Variants in TRAF2 observed in about 807,000 individuals in gnomAD.
The protein encoded by TRAF2 is TNF receptor-associated factor 2.
Under a neutral mutation model 55.6 loss-of-function variants are expected in TRAF2, and 6 were observed. The ratio of observed to expected loss-of-function variants is 0.11; its 90% CI spans 0.06 to 0.21. TRAF2 has a LOEUF of 0.21. Among genes scored for constraint, TRAF2 ranks in the 10% least tolerant of loss-of-function variants. The probability of loss-of-function intolerance (pLI) is 1.00; values close to 1 mark genes in which losing one functional copy is unlikely to be tolerated. For synonymous variants in TRAF2, 329 were observed against 276.3 expected (o/e 1.19, Z -1.89); for missense variants, 561 against 684.5 (o/e 0.82, Z 2.01).
Position 136,924,032 on chromosome 9 carries a change from C to T in TRAF2, c.1287+32C>T, listed in dbSNP as rs754263127. 2.4e-5 allele frequency: 38 copies of T among 1,607,608 alleles called. No individual in the cohort carries two copies. The East Asian group carries it at 3.1e-4, about 13-fold the overall frequency. On this transcript the variant is annotated intron_variant, in intron 10 of 10. Transcript: ENST00000247668. ...CCGTCCCTGCAGGCTTCGCTAGGGC[C>T]GCACCTGGGAGTCCCTCTGGGCAGT...
chr9:136,915,269 T>C (rs1465622385), intron 6 of TRAF2, among the ~76,000 whole-genome samples: 5 of 151,988 alleles, frequency 3.3e-5, no homozygotes. Context: ...CAGAGGGAAA[T>C]GTGTCAGGCT....
upstream of TRAF2, among the ~76,000 whole-genome samples, chr9:136,885,323 G>C (rs761384261): frequency 6.6e-6 from 1 of 152,132 alleles, no homozygotes; most frequent in Non-Finnish European, 1.5e-5. Flanking sequence ...CTGCAAAGCG[G>C]GGTGAAAGGT....
intron 1 of TRAF2, among the ~76,000 whole-genome samples, chr9:136,892,930 T>C (rs145691266): frequency 5.5e-4 from 84 of 152,356 alleles, no homozygotes; most frequent in East Asian, 3.9e-3. Flanking sequence ...TAATAGCTTC[T>C]GACCAGAACA....
intron 6 of TRAF2, among the ~76,000 whole-genome samples, chr9:136,915,498 G>A (rs1311578162): frequency 6.6e-6 from 1 of 152,116 alleles, no homozygotes; most frequent in South Asian, 2.1e-4. Flanking sequence ...CTGAACACGC[G>A]CGGACATTTT....
chr9:136,916,786 C>T (rs932071633), intron 7 of TRAF2, 171 bp downstream of exon 7: 6 of 645,626 alleles, frequency 9.3e-6, no homozygotes, highest in Middle Eastern at 4.1e-4. Flanking sequence ...TCTGGGCTGG[C>T]AGCCCTGTCC....
chr9:136,910,175 C>T (rs1360843568), intron 6 of TRAF2, 181 bp downstream of exon 6: 27 of 663,270 alleles, frequency 4.1e-5, no homozygotes, highest in East Asian at 8.2e-5. Flanking sequence ...CTGAGTGGGC[C>T]GGGGGCCAGG....
intron 6 of TRAF2, among the ~76,000 whole-genome samples, chr9:136,911,167 G>T (rs1021670615): frequency 6.6e-6 from 1 of 152,214 alleles, no homozygotes; most frequent in South Asian, 2.1e-4. Context: ...GAAGACGGGC[G>T]CCCACGCAGC....
intron 4 of TRAF2, among the ~76,000 whole-genome samples, chr9:136,902,721 A>G (rs182973891): frequency 2.0e-4 from 30 of 152,302 alleles, no homozygotes; most frequent in African/African-American, 4.8e-5. Context: ...AATGTCACAC[A>G]TGGGGACGGA....
chr9:136,907,783 A>G (rs558020265), intron 4 of TRAF2, among the ~76,000 whole-genome samples: 1 of 152,138 alleles, frequency 6.6e-6, no homozygotes, highest in Non-Finnish European at 1.5e-5. Context: ...TTCAGGGGGC[A>G]GATCGGGGAG....
upstream of TRAF2, among the ~76,000 whole-genome samples, chr9:136,882,342 G>A (rs1419092973): frequency 6.6e-6 from 1 of 152,220 alleles, no homozygotes; most frequent in African/African-American, 2.4e-5. Context: ...CTCACCTCCC[G>A]TGCTCTGCAG....
At chr9:136,893,053 T>C (rs976078787) in intron 1 of TRAF2, among the ~76,000 whole-genome samples, 4 of 152,178 alleles carry the variant, frequency 2.6e-5, no homozygotes, top group South Asian at 2.1e-4. Context: ...ATGATGAATG[T>C]GCGCTGAGGG....
At position 136,920,509 on chromosome 9, in the gene TRAF2, T is replaced by C. The variant is rs2131330004; in HGVS notation, c.954T>C (p.Ser318=). Reference sequence around the variant, plus strand: ...ACCAAGACAAGATTGAAGCCCTGAGTAGCAAGGTTTGTGCCTGCCGGGTGG... The same window carrying C: ...ACCAAGACAAGATTGAAGCCCTGAGCAGCAAGGTTTGTGCCTGCCGGGTGG... ...RLDQDKIEAL[S]SKVQQLERSI... The change falls in exon 8 of 11, where the codon AGT becomes AGC. Residue 318 remains serine (S), a synonymous_variant. Transcript: ENST00000247668. 1 of 1,608,518 alleles carries C rather than the reference T, an allele frequency of 6.2e-7. No individual in the cohort carries two copies. Among genetic ancestry groups the C allele is most frequent in the East Asian group, 2.2e-5 (1 of 44,758 alleles).
At chr9:136,922,690 A>AGGACG (rs1850418640) in intron 9 of TRAF2, among the ~76,000 whole-genome samples, 2 of 78,670 alleles carry the variant, frequency 2.5e-5, no homozygotes, top group East Asian at 4.1e-4. Context: ...TGTGGAGGAC[A>AGGACG]GGGATGGGGA....
chr9:136,925,941 C>T lies in TRAF2; in HGVS notation c.*40C>T. ...TGTCTGGGGGTTGGGGGCAGCCAGG[C>T]ACAGCCGGCTCACGGAGGGGCCACC... On this transcript the variant is annotated 3_prime_UTR_variant, in exon 11 of 11. Transcript: ENST00000247668. 2 of 1,609,090 alleles carry T rather than the reference C, an allele frequency of 1.2e-6. No homozygotes were observed. The highest frequency in any genetic ancestry group is 1.7e-6 in the Non-Finnish European group (2 of 1,176,626).
intron 1 of TRAF2, among the ~76,000 whole-genome samples, chr9:136,898,297 C>T (rs1253776255): frequency 6.6e-6 from 1 of 152,220 alleles, no homozygotes; most frequent in African/African-American, 2.4e-5. Flanking sequence ...ATCCACCACT[C>T]TAAAACATGC....
At chr9:136,906,368 TCA>T (rs1308792915) in intron 4 of TRAF2, among the ~76,000 whole-genome samples, 1 of 152,068 alleles carries the variant, frequency 6.6e-6, no homozygotes, top group African/African-American at 2.4e-5. Flanking sequence ...TGGGGAGGCC[TCA>T]CAATCATGGA....
At chr9:136,911,264 CT>C (rs34077067) in intron 6 of TRAF2, among the ~76,000 whole-genome samples, 79 of 122,540 alleles carry the variant, frequency 6.4e-4, no homozygotes, top group African/African-American at 1.5e-3. Flanking sequence ...TCCTTCCCGT[CT>C]TTTTTTTTTT....
chr9:136,890,018 CCGGT>C (rs1849544838), intron 1 of TRAF2, among the ~76,000 whole-genome samples: 1 of 127,156 alleles, frequency 7.9e-6, no homozygotes, highest in African/African-American at 3.1e-5. Flanking sequence ...GCTCGTTCAG[CCGGT>C]CACCGCGTGT....
chr9:136,898,598 A>G (rs1279469734), intron 1 of TRAF2, 115 bp from the exon 2 acceptor site: 2 of 1,483,752 alleles, frequency 1.3e-6, no homozygotes, highest in Non-Finnish European at 1.8e-6. Flanking sequence ...TCTTGACCGC[A>G]GGTCAGTGGG....
Sources: allele counts gnomAD v4.1 joint callset (sites outside exome capture counted in the v4.1 genomes callset), GRCh38; gene constraint gnomAD v4.1.1; transcripts MANE v1.5; gene names NCBI Gene and HGNC (gene_info 2026-07-23, HGNC 2026-07-21).